Variants in TNFRSF21 observed in about 807,000 individuals in gnomAD.
TNFRSF21 encodes tumor necrosis factor receptor superfamily member 21.
Under a neutral mutation model 45.6 loss-of-function variants are expected in TNFRSF21, and 19 were observed. That is an observed-to-expected ratio of 0.42 (90% CI 0.29 to 0.61). The LOEUF is 0.61. Ranked by LOEUF, TNFRSF21 falls within the 20% of genes least tolerant of loss-of-function variation. The pLI, the probability that TNFRSF21 is intolerant of heterozygous loss-of-function variation, is 0.23. For missense variants in TNFRSF21, 737 were observed against 851.5 expected (o/e 0.87, Z 1.67); for synonymous variants, 314 against 335.5 (o/e 0.94, Z 0.70).
chr6:47,275,791 G>T (rs1174649369), intron 3 of TNFRSF21, among the ~76,000 whole-genome samples: 1 of 152,086 alleles, frequency 6.6e-6, no homozygotes, highest in African/African-American at 2.4e-5. Flanking sequence ...ACGTTCAAAA[G>T]CCTGGGGGAA....
In TNFRSF21 at chr6:47,245,452, G is replaced by T. The variant is rs113419059; in HGVS notation, c.1509+7804C>A. On this transcript the variant is annotated intron_variant, in intron 4 of 5. Transcript: ENST00000296861. ...AGTGTGTGTGTGTGTGTGTGTGTGT[G>T]TGTGTTTGTGTGTGTGTGTGTGTGT... 6.6e-3 allele frequency among the ~76,000 whole-genome samples: 846 copies of T among 127,408 alleles called. 8 individuals are homozygous for T. Among genetic ancestry groups the T allele is most frequent in the African/African-American group, 0.029 (785 of 26,956 alleles). The allele number at this position is 127,408 out of a possible 152,430, so 83.6% of individuals were successfully genotyped here. A position where few individuals can be genotyped will look rare whatever the true frequency, so the allele number is the denominator to read the frequency against.
At chr6:47,293,178 C>T (rs1762751237) in intron 1 of TNFRSF21, among the ~76,000 whole-genome samples, 1 of 152,162 alleles carries the variant, frequency 6.6e-6, no homozygotes, top group Non-Finnish European at 1.5e-5. Context: ...CTGATGGCCA[C>T]TTAAGTGTAT....
At position 47,258,932 on chromosome 6, in the gene TNFRSF21, T is replaced by C. The variant is rs1281645423; in HGVS notation, c.1244-5411A>G. On this transcript the variant is annotated intron_variant, in intron 3 of 5. Coordinates refer to ENST00000296861, the MANE Select transcript of TNFRSF21 (RefSeq NM_014452.5). ...AACACCACAAATGAATGTGGCTGTG[T>C]TCTAATAAAACTCGACTTACAAAAA... Among the ~76,000 whole-genome samples the C allele has an allele frequency of 2.0e-5, 3 of 152,200 alleles. No homozygotes were observed. In the South Asian group the frequency reaches 6.2e-4, roughly 32 times the overall value.
intron 3 of TNFRSF21, among the ~76,000 whole-genome samples, chr6:47,272,949 C>T (rs1167361459): frequency 6.6e-6 from 1 of 152,130 alleles, no homozygotes; most frequent in Non-Finnish European, 1.5e-5. Context: ...ATACACCCTC[C>T]TAAGATTAAA....
intron 3 of TNFRSF21, among the ~76,000 whole-genome samples, chr6:47,261,099 C>CAAAA (rs1765067870): frequency 6.6e-6 from 1 of 152,162 alleles, no homozygotes; most frequent in African/African-American, 2.4e-5. Flanking sequence ...TAACACCCCC[C>CAAAA]CAAACCTCCC....
intron 3 of TNFRSF21, 34 bp downstream of exon 3, chr6:47,283,904 A>T: frequency 6.3e-7 from 1 of 1,588,586 alleles, no homozygotes; most frequent in Non-Finnish European, 8.6e-7. Flanking sequence ...TGGTAGAGAG[A>T]TCTGTGAGCA....
chr6:47,237,984 A>T (rs974309870), intron 4 of TNFRSF21, among the ~76,000 whole-genome samples: 23 of 152,202 alleles, frequency 1.5e-4, no homozygotes, highest in African/African-American at 5.5e-4. Flanking sequence ...AGGGAGGTGG[A>T]GGTTGCAGTG....
chr6:47,293,731 TA>T (rs1762758823), intron 1 of TNFRSF21, among the ~76,000 whole-genome samples: 1 of 152,180 alleles, frequency 6.6e-6, no homozygotes, highest in Non-Finnish European at 1.5e-5. Flanking sequence ...ATCCTCTGCT[TA>T]AAACTCTCAA....
At chr6:47,295,254 G>A (rs1390856151) in intron 1 of TNFRSF21, among the ~76,000 whole-genome samples, 1 of 152,180 alleles carries the variant, frequency 6.6e-6, no homozygotes, top group Non-Finnish European at 1.5e-5. Context: ...GCAAAGACAT[G>A]TCAGAATGTT....
chr6:47,251,586 C>A (rs1481891172), intron 4 of TNFRSF21, among the ~76,000 whole-genome samples: 1 of 152,168 alleles, frequency 6.6e-6, no homozygotes, highest in Non-Finnish European at 1.5e-5. Context: ...CCTAACCTTG[C>A]ATCAGTCATA....
In TNFRSF21 at chr6:47,309,668, G is replaced by A. The variant is rs1762990127; in HGVS notation, c.-157C>T. ...CACTGCTGCGGCCGGGCAGAGGAGG[G>A]AGGCGGCAAGGGAGGCTCTAGGGGC... is the stretch of plus-strand genomic sequence containing the variant. On this transcript the variant is annotated 5_prime_UTR_variant, in exon 1 of 6. Transcript: ENST00000296861. 1.7e-6 allele frequency: 2 copies of A among 1,150,356 alleles called. No homozygotes were observed. The highest frequency in any genetic ancestry group is 4.2e-5 in the Admixed American group (1 of 23,988). 71.3% of individuals were successfully genotyped at this position (1,150,356 alleles called of 1,614,324 possible).
chr6:47,281,224 G>T (rs1762563241), intron 3 of TNFRSF21, among the ~76,000 whole-genome samples: 1 of 151,938 alleles, frequency 6.6e-6, no homozygotes, highest in Admixed American at 6.6e-5. Flanking sequence ...ACATGCTAAA[G>T]TATCAGGGGA....
chr6:47,242,991 T>A (rs557625616), intron 4 of TNFRSF21, among the ~76,000 whole-genome samples: 22 of 152,314 alleles, frequency 1.4e-4, no homozygotes, highest in South Asian at 4.1e-4. Flanking sequence ...CATAAGACAC[T>A]GTGGAGGATG....
At chr6:47,308,055 T>G (rs1395371749) in intron 1 of TNFRSF21, among the ~76,000 whole-genome samples, 1 of 152,226 alleles carries the variant, frequency 6.6e-6, no homozygotes, top group Non-Finnish European at 1.5e-5. Context: ...TCCACCACAC[T>G]TGTTTCACTT....
chr6:47,290,059 C>T (rs376119928), intron 1 of TNFRSF21, among the ~76,000 whole-genome samples: 1 of 152,142 alleles, frequency 6.6e-6, no homozygotes, highest in Non-Finnish European at 1.5e-5. Flanking sequence ...CTACTAAACA[C>T]CCAACCCAAG....
chr6:47,269,651 T>C lies in TNFRSF21; in HGVS notation c.1243+14287A>G, dbSNP rs534555021. Among the ~76,000 whole-genome samples the C allele has an allele frequency of 1.1e-4, 17 of 152,316 alleles. No individual in the cohort carries two copies. The South Asian group carries it at 3.3e-3, about 30-fold the overall frequency. ...TTCTCTTTAGGCAAATAATGCAACATATGGATAACAATAACTCTCAACCAA... is the reference window on the plus strand; with the variant it reads ...TTCTCTTTAGGCAAATAATGCAACACATGGATAACAATAACTCTCAACCAA... On this transcript the variant is annotated intron_variant, in intron 3 of 5. Coordinates refer to ENST00000296861, the MANE Select transcript of TNFRSF21 (RefSeq NM_014452.5).
intron 4 of TNFRSF21, among the ~76,000 whole-genome samples, chr6:47,235,990 C>T (rs1000258974): frequency 6.6e-6 from 1 of 152,128 alleles, no homozygotes; most frequent in Non-Finnish European, 1.5e-5. Flanking sequence ...GCAGTTAGGA[C>T]GCTCCTACAG....
intron 5 of TNFRSF21, 65 bp from the exon 6 acceptor site, chr6:47,233,059 G>A: frequency 4.1e-6 from 6 of 1,465,098 alleles, no homozygotes; most frequent in Non-Finnish European, 5.7e-6. Flanking sequence ...CCTGGAGGAA[G>A]GAGAGCAGGG....
At chr6:47,308,585 G>A (rs1762971353) in intron 1 of TNFRSF21, among the ~76,000 whole-genome samples, 1 of 152,232 alleles carries the variant, frequency 6.6e-6, no homozygotes, top group Admixed American at 6.5e-5. Context: ...TGTGGATGCA[G>A]CTTAGACGAT....
Sources: gnomAD v4.1 joint callset for allele counts (sites outside exome capture counted in the v4.1 genomes callset) on GRCh38, gnomAD v4.1.1 for gene constraint, MANE v1.5 for transcripts, NCBI Gene and HGNC (gene_info 2026-07-23, HGNC 2026-07-21) for gene names.